Variants in ADARB2 observed in about 807,000 individuals in gnomAD.
ADARB2 encodes inactive double-stranded RNA-specific editase B2.
ADARB2 carries 25 observed loss-of-function variants against 62.2 expected under a neutral mutation model. That is an observed-to-expected ratio of 0.40 (90% CI 0.29 to 0.56). ADARB2 has a LOEUF of 0.56. Among genes scored for constraint, ADARB2 ranks in the 20% least tolerant of loss-of-function variants. ADARB2 has a pLI of 0.43. For missense variants in ADARB2, 1,071 were observed against 1,077.4 expected, an observed-to-expected ratio of 0.99 and a Z score of 0.08; for synonymous variants, 572 against 500.8, an observed-to-expected ratio of 1.14 and a Z score of -1.90.
At chr10:1,611,306 T>C (rs1833569733) in intron 1 of ADARB2, among the ~76,000 whole-genome samples, 2 of 152,230 alleles carry the variant, frequency 1.3e-5, no homozygotes, top group Non-Finnish European at 2.9e-5. Flanking sequence ...CGTGTGCTGC[T>C]GAAATCTGTA....
chr10:1,555,313 G>A (rs1425144620), intron 1 of ADARB2, among the ~76,000 whole-genome samples: 4 of 152,236 alleles, frequency 2.6e-5, no homozygotes, highest in Non-Finnish European at 5.9e-5. Flanking sequence ...CAGTGGCTGA[G>A]CGAATTTACA....
At chr10:1,343,497 T>A (rs1832051023) in intron 3 of ADARB2, among the ~76,000 whole-genome samples, 1 of 152,202 alleles carries the variant, frequency 6.6e-6, no homozygotes, top group Non-Finnish European at 1.5e-5. Flanking sequence ...AGAACTACCA[T>A]CTGACCCAGC....
intron 1 of ADARB2, among the ~76,000 whole-genome samples, chr10:1,403,929 C>T (rs1832685562): frequency 6.6e-6 from 1 of 152,188 alleles, no homozygotes; most frequent in Non-Finnish European, 1.5e-5. Flanking sequence ...GGTGTGTCTG[C>T]AGGGCACTGT....
intron 1 of ADARB2, among the ~76,000 whole-genome samples, chr10:1,735,961 A>C (rs1278252487): frequency 1.3e-5 from 2 of 152,186 alleles, no homozygotes; most frequent in African/African-American, 4.8e-5. Flanking sequence ...CAAAGATGAA[A>C]ATTCTTCAGG....
intron 1 of ADARB2, among the ~76,000 whole-genome samples, chr10:1,440,403 A>G (rs1588259029): frequency 6.8e-6 from 1 of 148,002 alleles, no homozygotes; most frequent in East Asian, 2.0e-4. Flanking sequence ...TTAATATTCC[A>G]CACCTTTGCT....
intron 1 of ADARB2, among the ~76,000 whole-genome samples, chr10:1,636,725 A>G (rs1291006967): frequency 4.0e-5 from 6 of 150,002 alleles, no homozygotes; most frequent in Non-Finnish European, 8.9e-5. Context: ...TAGATATTTG[A>G]TATATACCGA....
intron 8 of ADARB2, chr10:1,186,440 A>G (rs929597549): frequency 5.8e-5 from 30 of 516,578 alleles, no homozygotes; most frequent in African/African-American, 4.6e-4. Context: ...ATAACCCAAG[A>G]TCCCTTGTCC....
At chr10:1,399,346 G>A (rs989150357) in intron 1 of ADARB2, among the ~76,000 whole-genome samples, 18 of 152,174 alleles carry the variant, frequency 1.2e-4, no homozygotes, top group African/African-American at 4.8e-5. Context: ...GATGGGTGAC[G>A]CCACCCCAGA....
chr10:1,251,631 G>A (rs937680995), intron 4 of ADARB2, among the ~76,000 whole-genome samples: 4 of 152,208 alleles, frequency 2.6e-5, no homozygotes, highest in African/African-American at 9.6e-5. Context: ...AAGGGATAAT[G>A]TATAAACTTG....
chr10:1,548,782 G>A (rs1018627931), intron 1 of ADARB2, among the ~76,000 whole-genome samples: 1 of 152,244 alleles, frequency 6.6e-6, no homozygotes. Context: ...AAGGGAGGTT[G>A]GCTAATGGTG....
intron 1 of ADARB2, among the ~76,000 whole-genome samples, chr10:1,644,899 T>C (rs1834019937): frequency 6.6e-6 from 1 of 152,256 alleles, no homozygotes; most frequent in African/African-American, 2.4e-5. Context: ...TCTTCCAGTG[T>C]GACTTTGTCA....
At chr10:1,573,217 G>T (rs1274402587) in intron 1 of ADARB2, among the ~76,000 whole-genome samples, 1 of 152,192 alleles carries the variant, frequency 6.6e-6, no homozygotes, top group Non-Finnish European at 1.5e-5. Flanking sequence ...TGGGGATGAG[G>T]GGCTCAGTGA....
intron 6 of ADARB2, among the ~76,000 whole-genome samples, chr10:1,226,349 T>G (rs1019899085): frequency 1.2e-4 from 19 of 152,244 alleles, no homozygotes; most frequent in Middle Eastern, 3.2e-3. Context: ...TTGCCATTGG[T>G]TCGAATTTCC....
At chr10:1,522,152 T>C (rs919309003) in intron 1 of ADARB2, among the ~76,000 whole-genome samples, 3 of 152,190 alleles carry the variant, frequency 2.0e-5, no homozygotes, top group Admixed American at 6.5e-5. Flanking sequence ...ATTATTTTAG[T>C]GTTGAGACCC....
intron 1 of ADARB2, among the ~76,000 whole-genome samples, chr10:1,628,782 T>C (rs10903515): frequency 0.47 from 71,261 of 152,006 alleles, 17,096 homozygotes; most frequent in East Asian, 0.6. Context: ...TTCTGGAAAC[T>C]ATGGAGAAAA....
At chr10:1,680,520 C>G (rs1261136852) in intron 1 of ADARB2, among the ~76,000 whole-genome samples, 1 of 152,178 alleles carries the variant, frequency 6.6e-6, no homozygotes, top group Non-Finnish European at 1.5e-5. Context: ...GCTGCATTAT[C>G]TGTGTGTGTG....
chr10:1,200,927 T>G (rs954862244), intron 7 of ADARB2, among the ~76,000 whole-genome samples: 1 of 152,212 alleles, frequency 6.6e-6, no homozygotes, highest in Non-Finnish European at 1.5e-5. Context: ...TTCTCCACTG[T>G]TAGAGCAATT....
At chr10:1,551,432 A>G (rs1832620938) in intron 1 of ADARB2, among the ~76,000 whole-genome samples, 1 of 152,188 alleles carries the variant, frequency 6.6e-6, no homozygotes, top group African/African-American at 2.4e-5. Context: ...ACCTTCACCC[A>G]GACAGTTTCT....
chr10:1,183,398 C>T, intron 9 of ADARB2, 29 bp from the exon 10 acceptor site: 2 of 1,596,428 alleles, frequency 1.3e-6, no homozygotes, highest in Non-Finnish European at 1.7e-6. Context: ...AAGAGCCAAT[C>T]AGACACCAGC....
Sources: gnomAD v4.1 joint callset for allele counts (sites outside exome capture counted in the v4.1 genomes callset) on GRCh38, gnomAD v4.1.1 for gene constraint, MANE v1.5 for transcripts, NCBI Gene and HGNC (gene_info 2026-07-23, HGNC 2026-07-21) for gene names.